The following PRKAR2B variants were observed in gnomAD, a reference collection of about 807,000 sequenced individuals.
PRKAR2B encodes protein kinase cAMP-dependent type II regulatory subunit beta, also known as cAMP-dependent protein kinase type II-beta regulatory subunit.
Under a neutral mutation model 49.9 loss-of-function variants are expected in PRKAR2B, and 14 were observed. That is an observed-to-expected ratio of 0.28 (90% CI 0.19 to 0.44). The LOEUF is 0.44. PRKAR2B is among the 20% of genes least tolerant of loss of function. PRKAR2B has a pLI of 1.00. For synonymous variants in PRKAR2B, 196 were observed against 197.7 expected (o/e 0.99, Z 0.07); for missense variants, 393 against 537.9 (o/e 0.73, Z 2.67).
At position 107,159,654 on chromosome 7, in the gene PRKAR2B, G is replaced by A; in HGVS notation, c.*72G>A. The A allele has an allele frequency of 1.4e-6, 2 of 1,478,226 alleles. No individual in the cohort carries two copies. Among genetic ancestry groups the A allele is most frequent in the South Asian group, 1.3e-5 (1 of 76,778 alleles). The allele number at this position is 1,478,226 out of a possible 1,614,324, so 91.6% of individuals were successfully genotyped here. On this transcript the variant is annotated 3_prime_UTR_variant, in exon 11 of 11. Transcript: ENST00000265717. ...TGGTTAGTCCACTGAGAATGTGTTTGTGTAGATGCCAAGCATTTTCTGTGA... is the reference window on the plus strand; with the variant it reads ...TGGTTAGTCCACTGAGAATGTGTTTATGTAGATGCCAAGCATTTTCTGTGA...
intron 2 of PRKAR2B, among the ~76,000 whole-genome samples, chr7:107,096,960 G>A (rs952781366): frequency 6.6e-6 from 1 of 152,220 alleles, no homozygotes; most frequent in Non-Finnish European, 1.5e-5. Flanking sequence ...TAAGTGTGAT[G>A]TGGTGCTGAG....
chr7:107,149,775 G>T (rs1795950101), intron 6 of PRKAR2B, among the ~76,000 whole-genome samples: 1 of 152,098 alleles, frequency 6.6e-6, no homozygotes, highest in Non-Finnish European at 1.5e-5. Context: ...GCATAAGAAA[G>T]AATGAATAAG....
At chr7:107,108,317 A>G (rs750874729) in intron 2 of PRKAR2B, among the ~76,000 whole-genome samples, 17 of 152,216 alleles carry the variant, frequency 1.1e-4, no homozygotes, top group Non-Finnish European at 2.4e-4. Context: ...TAGAATAGAA[A>G]CAGTTGCTCA....
At chr7:107,066,004 C>T (rs532482835) in intron 1 of PRKAR2B, among the ~76,000 whole-genome samples, 8 of 152,210 alleles carry the variant, frequency 5.3e-5, no homozygotes, top group Middle Eastern at 3.4e-3. Flanking sequence ...AGGAACTAAA[C>T]GAATCTAGTG....
intron 6 of PRKAR2B, among the ~76,000 whole-genome samples, chr7:107,149,492 C>T (rs1424046408): frequency 1.3e-5 from 2 of 151,992 alleles, no homozygotes; most frequent in African/African-American, 2.4e-5. Context: ...GCGTCTTCTA[C>T]TTGTGTTCTC....
chr7:107,097,053 C>T (rs1042529331), intron 2 of PRKAR2B, among the ~76,000 whole-genome samples: 3 of 152,110 alleles, frequency 2.0e-5, no homozygotes, highest in Non-Finnish European at 4.4e-5. Context: ...GAGTTCAATT[C>T]CTGGATATCT....
chr7:107,159,552 G>A lies in PRKAR2B; in HGVS notation c.1227G>A (p.Thr409=), dbSNP rs257376. Reference sequence around the variant, plus strand: ...AACAGTTAGTTGCCCTGTTTGGAACGAACATGGATATTGTTGAACCCACTG... The same window carrying A: ...AACAGTTAGTTGCCCTGTTTGGAACAAACATGGATATTGTTGAACCCACTG... ...YEEQLVALFG[T]NMDIVEPTA Residue 409 remains threonine, a synonymous_variant, in exon 11 of 11, where the codon ACG becomes ACA. Transcript: ENST00000265717. 0.52 allele frequency: 841,317 copies of A among 1,613,210 alleles called. 221,514 individuals are homozygous for A. The highest frequency in any genetic ancestry group is 0.54 in the Non-Finnish European group (637,831 of 1,179,416).
intron 1 of PRKAR2B, among the ~76,000 whole-genome samples, chr7:107,054,001 TA>T (rs2041663608): frequency 6.6e-6 from 1 of 152,158 alleles, no homozygotes; most frequent in Non-Finnish European, 1.5e-5. Context: ...TAAATAAGTG[TA>T]AAAATACATG....
chr7:107,116,345 C>T (rs1215522919), intron 2 of PRKAR2B, among the ~76,000 whole-genome samples: 2 of 152,156 alleles, frequency 1.3e-5, no homozygotes, highest in Non-Finnish European at 2.9e-5. Flanking sequence ...GCTCCTTTCT[C>T]GTCTGTGTTC....
At chr7:107,110,411 C>T (rs1044783664) in intron 2 of PRKAR2B, among the ~76,000 whole-genome samples, 6 of 151,936 alleles carry the variant, frequency 3.9e-5, no homozygotes, top group African/African-American at 9.7e-5. Flanking sequence ...GAGAGGCACG[C>T]GAGTTACTGA....
At position 107,144,279 on chromosome 7, in the gene PRKAR2B, G is replaced by A. The variant is rs534792192; in HGVS notation, c.588-2029G>A. Among the ~76,000 whole-genome samples, 5 of 151,880 alleles carry A rather than the reference G, an allele frequency of 3.3e-5. No homozygotes were observed. In the East Asian group the frequency reaches 5.8e-4, roughly 18 times the overall value. ...TTTTTTGTATTTTTAGTAGAGACGG[G>A]GTTTCACCATGTTGGCCAGGCTGGT... On this transcript the variant is annotated intron_variant, in intron 5 of 10. Coordinates refer to ENST00000265717, the MANE Select transcript of PRKAR2B (RefSeq NM_002736.3).
chr7:107,051,280 GT>G (rs1029354211), intron 1 of PRKAR2B, among the ~76,000 whole-genome samples: 1 of 152,126 alleles, frequency 6.6e-6, no homozygotes, highest in Non-Finnish European at 1.5e-5. Flanking sequence ...GAATTTCCAG[GT>G]TTTTTTGTTC....
chr7:107,117,714 T>C (rs1256004025), intron 2 of PRKAR2B, among the ~76,000 whole-genome samples: 2 of 152,192 alleles, frequency 1.3e-5, no homozygotes, highest in African/African-American at 4.8e-5. Flanking sequence ...TCCTGGAAGT[T>C]GAATAATCCC....
At chr7:107,113,457 C>G (rs1254965247) in intron 2 of PRKAR2B, among the ~76,000 whole-genome samples, 2 of 152,110 alleles carry the variant, frequency 1.3e-5, no homozygotes, top group Non-Finnish European at 2.9e-5. Context: ...CTTAGAAATC[C>G]TTACCAGACC....
chr7:107,138,745 G>A (rs1795743731), intron 4 of PRKAR2B, among the ~76,000 whole-genome samples: 1 of 150,888 alleles, frequency 6.6e-6, no homozygotes, highest in South Asian at 2.1e-4. Context: ...GCGCAGTGGT[G>A]CGATCATGGC....
At chr7:107,061,248 T>A (rs1314011878) in intron 1 of PRKAR2B, among the ~76,000 whole-genome samples, 1 of 152,168 alleles carries the variant, frequency 6.6e-6, no homozygotes, top group Non-Finnish European at 1.5e-5. Flanking sequence ...ACTTTTAGGA[T>A]ATGCTTCTTC....
chr7:107,093,728 T>C (rs548978110), intron 2 of PRKAR2B, among the ~76,000 whole-genome samples: 1 of 148,954 alleles, frequency 6.7e-6, no homozygotes, highest in South Asian at 2.2e-4. Flanking sequence ...GTTCTCATTG[T>C]TCAATTCCCA....
intron 2 of PRKAR2B, among the ~76,000 whole-genome samples, chr7:107,097,530 T>G (rs10271426): frequency 0.12 from 18,316 of 152,232 alleles, 1,300 homozygotes; most frequent in African/African-American, 0.19. Flanking sequence ...TAATGTTATG[T>G]GTAAATTTGA....
At chr7:107,049,605 C>G (rs1329771749) in intron 1 of PRKAR2B, among the ~76,000 whole-genome samples, 3 of 151,856 alleles carry the variant, frequency 2.0e-5, no homozygotes, top group Non-Finnish European at 4.4e-5. Flanking sequence ...TAAAATCTTA[C>G]AGAGTTATAT....
Sources: allele counts gnomAD v4.1 joint callset (sites outside exome capture counted in the v4.1 genomes callset), GRCh38; gene constraint gnomAD v4.1.1; transcripts MANE v1.5; gene names NCBI Gene and HGNC (gene_info 2026-07-23, HGNC 2026-07-21).